The following DPY19L2 variants were observed in gnomAD, a reference collection of about 807,000 sequenced individuals.
The protein encoded by DPY19L2 is dpy-19 like 2, also known as probable C-mannosyltransferase DPY19L2.
Under a neutral mutation model 97.9 loss-of-function variants are expected in DPY19L2, and 34 were observed. The ratio of observed to expected loss-of-function variants is 0.35; its 90% CI spans 0.26 to 0.46. The LOEUF (loss-of-function observed/expected upper bound fraction) is 0.46, where lower values mean the gene tolerates loss of function less well. Among genes scored for constraint, DPY19L2 ranks in the 20% least tolerant of loss-of-function variants. The probability of loss-of-function intolerance (pLI) is 1.00; values close to 1 mark genes in which losing one functional copy is unlikely to be tolerated. For synonymous variants in DPY19L2, 230 were observed against 307.9 expected, an observed-to-expected ratio of 0.75 and a Z score of 2.65; for missense variants, 623 against 911.4, an observed-to-expected ratio of 0.68 and a Z score of 4.07.
chr12:63,582,841 T>G (rs534442579), intron 17 of DPY19L2, among the ~76,000 whole-genome samples: 33 of 152,024 alleles, frequency 2.2e-4, no homozygotes, highest in Non-Finnish European at 4.3e-4. Flanking sequence ...ATAAGTGCAG[T>G]TGGCAAGAAA....
chr12:63,612,981 GCCTTATA>G (rs1489734352), intron 11 of DPY19L2, among the ~76,000 whole-genome samples: 1 of 152,006 alleles, frequency 6.6e-6, no homozygotes, highest in Admixed American at 6.6e-5. Flanking sequence ...AACACGAATA[GCCTTATA>G]CCTTATTAAT....
In DPY19L2 at chr12:63,584,303, T is replaced by C. The variant is rs534597284; in HGVS notation, c.1581-467A>G. On this transcript the variant is annotated intron_variant, in intron 16 of 21. Coordinates refer to ENST00000324472, the MANE Select transcript of DPY19L2 (RefSeq NM_173812.5). ...GCATAAATTTCCAGAAGAAAAATTA[T>C]TGGGTAAAACATAAATATTTTTAGT... 936 of 153,630 alleles carry C rather than the reference T, an allele frequency of 6.1e-3. 1 individual carries two copies. Among genetic ancestry groups the C allele is most frequent in the Middle Eastern group, 0.031 (9 of 294 alleles). The allele number at this position is 153,630 out of a possible 1,614,324, so 9.5% of individuals were successfully genotyped here. A position where few individuals can be genotyped will look rare whatever the true frequency, so the allele number is the denominator to read the frequency against.
chr12:63,623,934 C>A (rs1048709853), intron 8 of DPY19L2, 106 bp downstream of exon 8: 3 of 800,370 alleles, frequency 3.7e-6, no homozygotes, highest in Non-Finnish European at 6.2e-6. Flanking sequence ...GAACTCCTGA[C>A]CTCAAGTGAT....
At chr12:63,588,205 T>A (rs1381387044) in intron 16 of DPY19L2, among the ~76,000 whole-genome samples, 1 of 152,178 alleles carries the variant, frequency 6.6e-6, no homozygotes, top group Non-Finnish European at 1.5e-5. Context: ...GCTGGTTTTA[T>A]GAAAAATCCA....
chr12:63,658,413 G>C lies in DPY19L2; in HGVS notation c.588+2931C>G, dbSNP rs150593906. ...GGAGGCTGAGGATGGAGAATCGCTT[G>C]AACCCAGGAGGCAGAGGCTACAGGG... On this transcript the variant is annotated intron_variant, in intron 4 of 21. Coordinates refer to ENST00000324472, the MANE Select transcript of DPY19L2 (RefSeq NM_173812.5). Among the ~76,000 whole-genome samples the C allele has an allele frequency of 5.2e-3, 786 of 152,204 alleles. 7 individuals carry two copies. The highest frequency in any genetic ancestry group is 0.019 in the South Asian group (90 of 4,822).
intron 19 of DPY19L2, among the ~76,000 whole-genome samples, chr12:63,571,817 C>T (rs1878904075): frequency 6.6e-6 from 1 of 152,024 alleles, no homozygotes; most frequent in African/African-American, 2.4e-5. Flanking sequence ...ACCAGAAGAC[C>T]AAATGCTTAC....
intron 9 of DPY19L2, among the ~76,000 whole-genome samples, chr12:63,620,819 C>A (rs1888570926): frequency 6.6e-6 from 1 of 152,114 alleles, no homozygotes; most frequent in Non-Finnish European, 1.5e-5. Context: ...AAATGCCCAT[C>A]AGTGATAGAC....
In DPY19L2 at chr12:63,668,273, C is replaced by A; in HGVS notation, c.121G>T (p.Ala41Ser). 1.2e-6 allele frequency: 2 copies of A among 1,613,896 alleles called. No individual in the cohort carries two copies. The highest frequency in any genetic ancestry group is 1.7e-6 in the Non-Finnish European group (2 of 1,179,864). Residue 41 changes from alanine to serine, a missense_variant, in exon 1 of 22, where the codon GCC (alanine) becomes TCC (serine). By Grantham distance (99) the Ala-to-Ser change is moderately conservative. This residue lies in a region of DPY19L2 where 144 missense variants were observed against 119.4 expected (regional missense o/e 1.21). Coordinates refer to ENST00000324472, the MANE Select transcript of DPY19L2 (RefSeq NM_173812.5). Reference protein sequence around the residue: ...PEVEEEMEKSALGGGKLPRGS... With the variant: ...PEVEEEMEKSSLGGGKLPRGS... ...CTTGGCAGTTTCCCGCCGCCTAGGG[C>A]CGACTTTTCCATCTCCTCCTCTACC... is the stretch of plus-strand genomic sequence containing the variant.
intron 6 of DPY19L2, among the ~76,000 whole-genome samples, chr12:63,630,761 T>C (rs1382873155): frequency 1.3e-5 from 2 of 152,056 alleles, no homozygotes; most frequent in African/African-American, 4.8e-5. Context: ...CAACAGAATA[T>C]ACATTCTTCT....
At chr12:63,571,915 T>C (rs577782371) in intron 19 of DPY19L2, among the ~76,000 whole-genome samples, 2 of 152,254 alleles carry the variant, frequency 1.3e-5, no homozygotes, top group South Asian at 2.1e-4. Context: ...GTAACAAAGA[T>C]AAGACATTAT....
chr12:63,608,564 A>G (rs1452944705), intron 12 of DPY19L2, 52 bp downstream of exon 12: 1 of 1,489,804 alleles, frequency 6.7e-7, no homozygotes, highest in African/African-American at 1.4e-5. Context: ...TTCAGTTTAT[A>G]GAAATAAAAA....
intron 15 of DPY19L2, among the ~76,000 whole-genome samples, chr12:63,595,725 A>C (rs976846155): frequency 6.6e-6 from 1 of 152,120 alleles, no homozygotes. Flanking sequence ...GTGTACCTAC[A>C]ATGTTAATGT....
chr12:63,603,891 A>C (rs554011174), intron 12 of DPY19L2, among the ~76,000 whole-genome samples: 2 of 152,204 alleles, frequency 1.3e-5, no homozygotes, highest in African/African-American at 4.8e-5. Flanking sequence ...CTATATTACA[A>C]GGCTGCAATA....
intron 6 of DPY19L2, among the ~76,000 whole-genome samples, chr12:63,640,053 G>A (rs961551069): frequency 5.3e-5 from 8 of 152,192 alleles, no homozygotes; most frequent in African/African-American, 1.9e-4. Flanking sequence ...CCTTGGTAGG[G>A]ACATGGATGA....
chr12:63,663,185 C>CGGA (rs1357002356), intron 3 of DPY19L2, among the ~76,000 whole-genome samples: 1 of 152,096 alleles, frequency 6.6e-6, no homozygotes, highest in Non-Finnish European at 1.5e-5. Context: ...GGAAGATGGA[C>CGGA]GGTTGTGGTG....
chr12:63,592,378 A>T lies in DPY19L2; in HGVS notation c.1580+1709T>A, dbSNP rs1195510278. On this transcript the variant is annotated intron_variant, in intron 16 of 21. Coordinates refer to ENST00000324472, the MANE Select transcript of DPY19L2 (RefSeq NM_173812.5). Reference sequence around the variant, plus strand: ...AAAGCTGGAGGCATCACGCTACCTGACTTCAAACTATACTACAAGGCTACA... The same window carrying T: ...AAAGCTGGAGGCATCACGCTACCTGTCTTCAAACTATACTACAAGGCTACA... Among the ~76,000 whole-genome samples, 3 of 150,180 alleles carry T rather than the reference A, an allele frequency of 2.0e-5. No homozygotes were observed. In the East Asian group the frequency reaches 5.9e-4, roughly 30 times the overall value.
At chr12:63,635,250 GA>G (rs1467843702) in intron 6 of DPY19L2, among the ~76,000 whole-genome samples, 1 of 152,044 alleles carries the variant, frequency 6.6e-6, no homozygotes, top group African/African-American at 2.4e-5. Context: ...CTAACAAACA[GA>G]AAGGACACCC....
intron 6 of DPY19L2, among the ~76,000 whole-genome samples, chr12:63,639,856 T>G (rs539038492): frequency 6.6e-6 from 1 of 152,152 alleles, no homozygotes; most frequent in Non-Finnish European, 1.5e-5. Context: ...ACTGGGTATA[T>G]ACCCAAAGGA....
At chr12:63,642,038 C>T (rs1208926630) in intron 6 of DPY19L2, among the ~76,000 whole-genome samples, 2 of 151,986 alleles carry the variant, frequency 1.3e-5, no homozygotes, top group African/African-American at 4.8e-5. Context: ...TGTTTATTGA[C>T]CATTTGGTGT....
Sources: gnomAD v4.1 joint callset for allele counts (sites outside exome capture counted in the v4.1 genomes callset) on GRCh38, gnomAD v4.1.1 for gene constraint, gnomAD v4.1.1 regional missense constraint, MANE v1.5 for transcripts, NCBI Gene and HGNC (gene_info 2026-07-23, HGNC 2026-07-21) for gene names.